Variants in TACR1 observed in about 807,000 individuals in gnomAD.
TACR1 encodes tachykinin receptor 1.
A neutral mutation model predicts 35.8 loss-of-function variants in TACR1; 25 were observed. That is an observed-to-expected ratio of 0.70 (90% CI 0.51 to 0.98). The LOEUF (loss-of-function observed/expected upper bound fraction) is 0.98, where lower values mean the gene tolerates loss of function less well. Among genes scored for constraint, TACR1 ranks in the 50% least tolerant of loss-of-function variants. TACR1 has a pLI of 0.00. For missense variants in TACR1, 478 were observed against 522.9 expected, an observed-to-expected ratio of 0.91 and a Z score of 0.84; for synonymous variants, 195 against 206.7, an observed-to-expected ratio of 0.94 and a Z score of 0.48.
intron 1 of TACR1, among the ~76,000 whole-genome samples, chr2:75,182,686 C>G (rs1182039197): frequency 7.9e-5 from 12 of 152,142 alleles, no homozygotes; most frequent in Non-Finnish European, 1.3e-4. Context: ...GTATTTAGTA[C>G]AATTACATGC....
At chr2:75,185,969 G>C (rs990623631) in intron 1 of TACR1, among the ~76,000 whole-genome samples, 8 of 152,066 alleles carry the variant, frequency 5.3e-5, no homozygotes, top group Admixed American at 3.9e-4. Context: ...TAACCACTTG[G>C]CATGATCTTA....
intron 2 of TACR1, among the ~76,000 whole-genome samples, chr2:75,075,521 A>G (rs1293893238): frequency 2.0e-5 from 3 of 152,216 alleles, no homozygotes; most frequent in Non-Finnish European, 4.4e-5. Context: ...CTTGTTTCAA[A>G]TTATTATTAT....
intron 2 of TACR1, among the ~76,000 whole-genome samples, chr2:75,059,372 T>G (rs1672627335): frequency 6.6e-6 from 1 of 152,228 alleles, no homozygotes; most frequent in South Asian, 2.1e-4. Flanking sequence ...CAGTAATTCC[T>G]GTGTATGTTC....
In TACR1 at chr2:75,049,299, T is replaced by C; in HGVS notation, c.*133A>G. On this transcript the variant is annotated 3_prime_UTR_variant, in exon 5 of 5. Transcript: ENST00000305249. ...TGACTCAAGGATGGAATGTTTTCCC[T>C]AACCCATACTGACCCTTTTTGCAAG... 1 of 983,402 alleles carries C rather than the reference T, an allele frequency of 1.0e-6. No homozygotes were observed. 60.9% of individuals were successfully genotyped at this position (983,402 alleles called of 1,614,324 possible).
intron 1 of TACR1, among the ~76,000 whole-genome samples, chr2:75,178,448 G>C (rs891702154): frequency 3.3e-5 from 5 of 151,952 alleles, no homozygotes; most frequent in Admixed American, 6.5e-5. Context: ...GCCTCCCAAA[G>C]TGCTGGGATT....
At chr2:75,106,881 T>A (rs1673655532) in intron 2 of TACR1, among the ~76,000 whole-genome samples, 1 of 151,502 alleles carries the variant, frequency 6.6e-6, no homozygotes, top group African/African-American at 2.4e-5. Flanking sequence ...AACCAAATGA[T>A]GAAAGAAGAC....
intron 1 of TACR1, among the ~76,000 whole-genome samples, chr2:75,166,604 T>C (rs1426003267): frequency 6.6e-6 from 1 of 152,196 alleles, no homozygotes; most frequent in African/African-American, 2.4e-5. Context: ...CTTCCAGAGA[T>C]AGCAATCAAT....
chr2:75,147,126 T>C (rs1289475652), intron 1 of TACR1, among the ~76,000 whole-genome samples: 1 of 152,214 alleles, frequency 6.6e-6, no homozygotes, highest in Non-Finnish European at 1.5e-5. Flanking sequence ...GGCAGAATAT[T>C]TTCCTGTTTG....
intron 1 of TACR1, among the ~76,000 whole-genome samples, chr2:75,183,934 G>C (rs970521527): frequency 5.3e-5 from 8 of 152,188 alleles, no homozygotes; most frequent in African/African-American, 1.9e-4. Flanking sequence ...TAGGAAACTG[G>C]TTGGAAGAAA....
intron 1 of TACR1, among the ~76,000 whole-genome samples, chr2:75,151,383 G>C (rs4853110): frequency 0.39 from 59,461 of 152,090 alleles, 13,134 homozygotes; most frequent in Non-Finnish European, 0.51. Flanking sequence ...TAGGGACTTG[G>C]TGCCCTGTGT....
At chr2:75,096,401 C>T (rs1323204967) in intron 2 of TACR1, among the ~76,000 whole-genome samples, 1 of 152,168 alleles carries the variant, frequency 6.6e-6, no homozygotes, top group Non-Finnish European at 1.5e-5. Context: ...GAAAGGGTGC[C>T]AGATTTGGAT....
At chr2:75,068,163 T>C (rs928162479) in intron 2 of TACR1, among the ~76,000 whole-genome samples, 1 of 152,144 alleles carries the variant, frequency 6.6e-6, no homozygotes, top group Non-Finnish European at 1.5e-5. Context: ...CTTACACAAC[T>C]GTGGGGGTTG....
At chr2:75,162,105 T>G (rs1444493664) in intron 1 of TACR1, among the ~76,000 whole-genome samples, 1 of 149,098 alleles carries the variant, frequency 6.7e-6, no homozygotes, top group Non-Finnish European at 1.5e-5. Context: ...GTTGGAAACC[T>G]TCCAATTAAT....
chr2:75,057,146 GA>G (rs1186706487), intron 2 of TACR1, among the ~76,000 whole-genome samples: 2 of 152,214 alleles, frequency 1.3e-5, no homozygotes, highest in East Asian at 3.8e-4. Context: ...CAGATGGTCT[GA>G]AGTAACTGAA....
At chr2:75,107,334 A>T (rs1673669906) in intron 2 of TACR1, among the ~76,000 whole-genome samples, 1 of 152,034 alleles carries the variant, frequency 6.6e-6, no homozygotes, top group Non-Finnish European at 1.5e-5. Flanking sequence ...AAAAATCCAT[A>T]ACAGCAACAA....
intron 1 of TACR1, among the ~76,000 whole-genome samples, chr2:75,144,990 A>T (rs1052274294): frequency 6.6e-6 from 1 of 152,182 alleles, no homozygotes; most frequent in Non-Finnish European, 1.5e-5. Flanking sequence ...TAGGAATTTT[A>T]GAAAGAAATA....
chr2:75,175,903 C>G (rs1309668367), intron 1 of TACR1, among the ~76,000 whole-genome samples: 1 of 150,908 alleles, frequency 6.6e-6, no homozygotes, highest in Non-Finnish European at 1.5e-5. Context: ...CAGAAGCTAA[C>G]TACCATATAC....
In TACR1 at chr2:75,094,859, A is replaced by ATATATTTT; in HGVS notation, c.584+25714_584+25715insAAAATATA. On this transcript the variant is annotated intron_variant, in intron 2 of 4. Transcript: ENST00000305249. ...GAAACATATATATATATATATATAT[A>ATATATTTT]TTTTTTTTTTTTTTGCCCAAGATGG... Among the ~76,000 whole-genome samples, 56 of 113,100 alleles carry ATATATTTT rather than the reference A, an allele frequency of 5.0e-4. 1 individual carries two copies. The highest frequency in any genetic ancestry group is 2.4e-3 in the African/African-American group (51 of 20,852). The allele number at this position is 113,100 out of a possible 152,430, so 74.2% of individuals were successfully genotyped here.
intron 1 of TACR1, among the ~76,000 whole-genome samples, chr2:75,125,574 C>T (rs1674056509): frequency 6.6e-6 from 1 of 152,160 alleles, no homozygotes; most frequent in African/African-American, 2.4e-5. Flanking sequence ...AGTAAATACT[C>T]ATTGAAAGTT....
Sources: allele counts gnomAD v4.1 joint callset (sites outside exome capture counted in the v4.1 genomes callset), GRCh38; gene constraint gnomAD v4.1.1; transcripts MANE v1.5; gene names NCBI Gene and HGNC (gene_info 2026-07-23, HGNC 2026-07-21).